KCNK2: variants seen among roughly 807,000 people sequenced by gnomAD.
KCNK2 encodes potassium two pore domain channel subfamily K member 2.
KCNK2 carries 21 observed loss-of-function variants against 40.5 expected under a neutral mutation model. That is an observed-to-expected ratio of 0.52 (90% CI 0.37 to 0.75). KCNK2 has a LOEUF of 0.75. Ranked by LOEUF, KCNK2 falls within the 30% of genes least tolerant of loss-of-function variation. KCNK2 has a pLI of 0.00. For missense variants in KCNK2, 399 were observed against 531.6 expected (o/e 0.75, Z 2.45); for synonymous variants, 191 against 202.2 (o/e 0.94, Z 0.47).
chr1:215,015,468 A>G (rs1204846285), intron 1 of KCNK2, among the ~76,000 whole-genome samples: 3 of 152,102 alleles, frequency 2.0e-5, no homozygotes, highest in Non-Finnish European at 4.4e-5. Flanking sequence ...GCTTCCACAA[A>G]AACCATACAG....
chr1:215,217,953 T>A (rs1440485604), intron 6 of KCNK2, among the ~76,000 whole-genome samples: 1 of 152,124 alleles, frequency 6.6e-6, no homozygotes, highest in Non-Finnish European at 1.5e-5. Context: ...AAGACTCTAA[T>A]AGGAAACATG....
At chr1:215,217,357 C>A (rs1666002817) in intron 6 of KCNK2, among the ~76,000 whole-genome samples, 1 of 152,110 alleles carries the variant, frequency 6.6e-6, no homozygotes, top group South Asian at 2.1e-4. Context: ...AATATTTTCT[C>A]CCACATTCCA....
chr1:215,132,328 C>G (rs563799170), intron 3 of KCNK2, among the ~76,000 whole-genome samples: 1 of 152,176 alleles, frequency 6.6e-6, no homozygotes, highest in Non-Finnish European at 1.5e-5. Context: ...CAAAGGATGT[C>G]GTCATTGTAG....
intron 1 of KCNK2, among the ~76,000 whole-genome samples, chr1:215,033,137 A>G (rs1242439903): frequency 6.7e-6 from 1 of 150,008 alleles, no homozygotes; most frequent in Non-Finnish European, 1.5e-5. Flanking sequence ...TGTCCACTCT[A>G]TTAATGAACC....
At chr1:215,129,280 A>G (rs1316921913) in intron 3 of KCNK2, among the ~76,000 whole-genome samples, 1 of 152,172 alleles carries the variant, frequency 6.6e-6, no homozygotes, top group Admixed American at 6.6e-5. Context: ...GTATTATTTT[A>G]GGAAGATTCA....
chr1:215,054,505 G>A (rs964330428), intron 1 of KCNK2, among the ~76,000 whole-genome samples: 10 of 152,152 alleles, frequency 6.6e-5, no homozygotes, highest in Middle Eastern at 3.2e-3. Context: ...ACATATACCA[G>A]ATGCATGTTT....
intron 3 of KCNK2, among the ~76,000 whole-genome samples, chr1:215,153,577 TA>T (rs199917946): frequency 0.018 from 2,764 of 149,508 alleles, 38 homozygotes; most frequent in Non-Finnish European, 0.026. Flanking sequence ...TATATATATA[TA>T]TATTTTTTTT....
At chr1:215,037,620 T>G (rs547296846) in intron 1 of KCNK2, among the ~76,000 whole-genome samples, 108 of 152,096 alleles carry the variant, frequency 7.1e-4, no homozygotes, top group African/African-American at 2.5e-3. Context: ...TTACTAAGTG[T>G]TTGGCAGAAA....
intron 1 of KCNK2, among the ~76,000 whole-genome samples, chr1:215,016,854 AG>A (rs1656606266): frequency 6.6e-6 from 1 of 152,180 alleles, no homozygotes; most frequent in Non-Finnish European, 1.5e-5. Context: ...TTCACTAATA[AG>A]GGGTTAATAT....
chr1:215,235,019 A>G lies in KCNK2; in HGVS notation c.1155A>G (p.Ser385=). 6.2e-7 allele frequency: 1 copy of G among 1,614,118 alleles called. No individual in the cohort carries two copies. Among genetic ancestry groups the G allele is most frequent in the African/African-American group, 1.3e-5 (1 of 75,060 alleles). The change falls in exon 7 of 7, where the codon TCA becomes TCG. Residue 385 remains serine, a synonymous_variant. Transcript: ENST00000444842. Reference sequence around the variant, plus strand: ...TGACTCCTTGTAGGAGGACCCTGTCAGTGAACCACCTGACCAGCGAGAGGG... The same window carrying G: ...TGACTCCTTGTAGGAGGACCCTGTCGGTGAACCACCTGACCAGCGAGAGGG... ...QELTPCRRTL[S]VNHLTSERDV... is the part of the protein sequence containing the mutation.
intron 3 of KCNK2, among the ~76,000 whole-genome samples, chr1:215,127,188 G>T (rs768892196): frequency 6.6e-6 from 1 of 152,070 alleles, no homozygotes; most frequent in African/African-American, 2.4e-5. Flanking sequence ...CTTTTATAGG[G>T]TTCCTGGTAC....
intron 1 of KCNK2, among the ~76,000 whole-genome samples, chr1:215,046,810 T>C (rs2102496598): frequency 6.6e-6 from 1 of 152,284 alleles, no homozygotes; most frequent in South Asian, 2.1e-4. Flanking sequence ...ATTTGCTTGC[T>C]TGTCACAAGC....
At chr1:215,144,927 G>A (rs970070188) in intron 3 of KCNK2, among the ~76,000 whole-genome samples, 3 of 152,172 alleles carry the variant, frequency 2.0e-5, no homozygotes, top group African/African-American at 7.2e-5. Context: ...TTGGCTAGGA[G>A]AATGAAAGGT....
At chr1:215,121,440 A>AT (rs1197810450) in intron 2 of KCNK2, among the ~76,000 whole-genome samples, 4 of 151,774 alleles carry the variant, frequency 2.6e-5, no homozygotes, top group African/African-American at 9.7e-5. Context: ...GGCCCAGCTA[A>AT]TTTTTTGTAT....
chr1:215,172,078 C>T lies in KCNK2; in HGVS notation c.718C>T (p.Leu240=). The change falls in exon 5 of 7, where the codon CTG becomes TTG. Residue 240 remains leucine, a synonymous_variant. Coordinates refer to ENST00000444842, the MANE Select transcript of KCNK2 (RefSeq NM_001017425.3). The part of the protein sequence containing the change: ...ILFGCVLFVA[L]PAIIFKHIEG... ...ATTTGGCTGTGTACTCTTTGTGGCT[C>T]TGCCTGCGATCATATTCAAACACAT... The T allele has an allele frequency of 6.2e-7, 1 of 1,613,516 alleles. No individual in the cohort carries two copies. The highest frequency in any genetic ancestry group is 8.5e-7 in the Non-Finnish European group (1 of 1,179,658).
At chr1:215,108,819 G>GGT (rs1437180536) in intron 2 of KCNK2, among the ~76,000 whole-genome samples, 1 of 150,850 alleles carries the variant, frequency 6.6e-6, no homozygotes, top group Non-Finnish European at 1.5e-5. Context: ...TGGGTGGGTG[G>GGT]GTGTGGATGT....
chr1:215,227,648 G>A (rs764935910), intron 6 of KCNK2, among the ~76,000 whole-genome samples: 1 of 152,236 alleles, frequency 6.6e-6, no homozygotes, highest in South Asian at 2.1e-4. Context: ...GCAATTTGGC[G>A]GCTGCGTGGA....
chr1:215,149,687 G>C (rs1662600135), intron 3 of KCNK2, among the ~76,000 whole-genome samples: 1 of 152,166 alleles, frequency 6.6e-6, no homozygotes, highest in South Asian at 2.1e-4. Flanking sequence ...AACTCAATAA[G>C]TACGAAGTGC....
rs573826355 is a variant in KCNK2, at chr1:215,145,693, G to T, written c.475+20943G>T. Among the ~76,000 whole-genome samples, 150 of 152,240 alleles carry T rather than the reference G, an allele frequency of 9.9e-4. 1 individual carries two copies. In the Middle Eastern group the frequency reaches 0.02, roughly 21 times the overall value. ...GGTTTATTGTTTGATGCCAAGTCTG[G>T]TCAGGAATACAACATCAAATTATAT... On this transcript the variant is annotated intron_variant, in intron 3 of 6. Coordinates refer to ENST00000444842, the MANE Select transcript of KCNK2 (RefSeq NM_001017425.3).
Sources: allele counts gnomAD v4.1 joint callset (sites outside exome capture counted in the v4.1 genomes callset), GRCh38; gene constraint gnomAD v4.1.1; transcripts MANE v1.5; gene names NCBI Gene and HGNC (gene_info 2026-07-23, HGNC 2026-07-21).